AGBL1: variants seen among roughly 807,000 people sequenced by gnomAD.
AGBL1 encodes cytosolic carboxypeptidase 4.
AGBL1 carries 130 observed loss-of-function variants against 118.9 expected under a neutral mutation model. The ratio of observed to expected loss-of-function variants is 1.09; its 90% CI spans 0.95 to 1.26. AGBL1 has a LOEUF of 1.26. Among genes scored for constraint, AGBL1 ranks in the 50% most tolerant of loss-of-function variants. AGBL1 has a pLI of 0.00. For missense variants in AGBL1, 1,584 were observed against 1,298.1 expected (o/e 1.22, Z -3.38); for synonymous variants, 555 against 478.9 (o/e 1.16, Z -2.08).
At chr15:86,317,471 G>A (rs987256679) in intron 17 of AGBL1, among the ~76,000 whole-genome samples, 1 of 152,192 alleles carries the variant, frequency 6.6e-6, no homozygotes, top group Non-Finnish European at 1.5e-5. Flanking sequence ...AGCAACACTT[G>A]CGAGCAATGT....
intron 20 of AGBL1, 75 bp from the exon 21 acceptor site, chr15:86,554,286 T>G: frequency 1.7e-5 from 22 of 1,274,668 alleles, no homozygotes; most frequent in Non-Finnish European, 2.3e-5. Context: ...TTAACAATGT[T>G]GAGAAGCTAT....
At chr15:86,107,855 G>A (rs1555429990) in intron 1 of AGBL1, among the ~76,000 whole-genome samples, 1 of 152,168 alleles carries the variant, frequency 6.6e-6, no homozygotes, top group Non-Finnish European at 1.5e-5. Flanking sequence ...CTCTCAGAGA[G>A]CTTCTCAAAG....
chr15:86,508,790 A>T (rs1489464200), intron 18 of AGBL1, among the ~76,000 whole-genome samples: 1 of 152,174 alleles, frequency 6.6e-6, no homozygotes, highest in East Asian at 1.9e-4. Context: ...AATGATTTAT[A>T]GTCTAAATCT....
intron 20 of AGBL1, among the ~76,000 whole-genome samples, chr15:86,550,870 C>A (rs2083654929): frequency 6.6e-6 from 1 of 151,818 alleles, no homozygotes; most frequent in Middle Eastern, 3.6e-3. Context: ...GGGACTGAAA[C>A]CATGCACAGA....
intron 22 of AGBL1, among the ~76,000 whole-genome samples, chr15:86,688,636 C>T (rs28628446): frequency 0.027 from 4,043 of 152,190 alleles, 191 homozygotes; most frequent in African/African-American, 0.092. Flanking sequence ...TCAAACATTA[C>T]TCAAACTACC....
chr15:86,653,761 T>C (rs2142500649), intron 21 of AGBL1, among the ~76,000 whole-genome samples: 1 of 152,236 alleles, frequency 6.6e-6, no homozygotes, highest in African/African-American at 2.4e-5. Flanking sequence ...TCATGATGGC[T>C]TTCCACTTGG....
intron 22 of AGBL1, among the ~76,000 whole-genome samples, chr15:86,678,346 C>T (rs2085887707): frequency 6.6e-6 from 1 of 151,978 alleles, no homozygotes. Context: ...AAAACTTTTG[C>T]CATTTTTAGG....
intron 21 of AGBL1, among the ~76,000 whole-genome samples, chr15:86,658,583 C>T (rs1455459987): frequency 6.6e-6 from 1 of 152,156 alleles, no homozygotes; most frequent in East Asian, 1.9e-4. Context: ...ATGACTCTTA[C>T]AGCCTCCTGG....
intron 22 of AGBL1, among the ~76,000 whole-genome samples, chr15:86,679,585 C>CT (rs2085914316): frequency 6.6e-6 from 1 of 152,008 alleles, no homozygotes; most frequent in Non-Finnish European, 1.5e-5. Context: ...AGTTTTGAGA[C>CT]TAATGTTTAA....
At chr15:86,147,075 A>C (rs1020446541) in intron 3 of AGBL1, among the ~76,000 whole-genome samples, 5 of 152,160 alleles carry the variant, frequency 3.3e-5, no homozygotes, top group Non-Finnish European at 7.4e-5. Context: ...AATGAGGACT[A>C]TTTGTAACAC....
At chr15:87,026,882 A>C (rs1301369286) in intron 24 of AGBL1, among the ~76,000 whole-genome samples, 4 of 152,110 alleles carry the variant, frequency 2.6e-5, no homozygotes, top group African/African-American at 9.7e-5. Flanking sequence ...GAAGTAACTC[A>C]GGAATGGAAA....
At chr15:86,929,948 A>G (rs906881642) in intron 23 of AGBL1, among the ~76,000 whole-genome samples, 1 of 152,212 alleles carries the variant, frequency 6.6e-6, no homozygotes. Flanking sequence ...ATTCTCATTT[A>G]TAAATGCCCT....
chr15:86,277,806 T>G (rs79262718), intron 15 of AGBL1, among the ~76,000 whole-genome samples: 2,668 of 152,314 alleles, frequency 0.018, 48 homozygotes, highest in East Asian at 0.071. Context: ...AAGGTGCGTG[T>G]TTCCATCTGC....
intron 22 of AGBL1, among the ~76,000 whole-genome samples, chr15:86,869,063 A>C (rs2079681652): frequency 6.6e-6 from 1 of 152,224 alleles, no homozygotes; most frequent in African/African-American, 2.4e-5. Context: ...CTAGCTGTCA[A>C]CTGCCTTGGT....
intron 1 of AGBL1, among the ~76,000 whole-genome samples, chr15:86,102,017 T>C (rs1007530507): frequency 6.6e-6 from 1 of 152,010 alleles, no homozygotes; most frequent in Admixed American, 6.5e-5. Context: ...GCAGTAACAT[T>C]TGAATCCTTT....
In AGBL1 at chr15:86,411,188, AG is replaced by A. The variant is rs1453391135; in HGVS notation, c.2555+13644del. On this transcript the variant is annotated intron_variant, in intron 18 of 22. Coordinates refer to ENST00000614907, the MANE Select transcript of AGBL1 (RefSeq NM_001386094.1). Reference sequence around the variant, plus strand: ...GCCAGCCTATCATCAGCCTCCATCAAGGTATCTCCAAGAGCTTTTCAGGGTG... The same window carrying A: ...GCCAGCCTATCATCAGCCTCCATCAAGTATCTCCAAGAGCTTTTCAGGGTG... Among the ~76,000 whole-genome samples the A allele has an allele frequency of 2.0e-5, 3 of 151,798 alleles. No individual in the cohort carries two copies. In the East Asian group the frequency reaches 5.9e-4, roughly 30 times the overall value.
chr15:86,287,961 G>T (rs954272963), intron 16 of AGBL1, among the ~76,000 whole-genome samples: 7 of 151,112 alleles, frequency 4.6e-5, no homozygotes, highest in Admixed American at 4.6e-4. Flanking sequence ...TGCATCCACA[G>T]AAATATTTTC....
At chr15:86,655,484 GTTAC>G (rs1567106230) in intron 21 of AGBL1, among the ~76,000 whole-genome samples, 1 of 152,026 alleles carries the variant, frequency 6.6e-6, no homozygotes, top group East Asian at 1.9e-4. Flanking sequence ...ATAATTTCCC[GTTAC>G]TTTCTTTTCT....
chr15:86,553,007 AGAGT>A (rs926593464), intron 20 of AGBL1, among the ~76,000 whole-genome samples: 4 of 152,132 alleles, frequency 2.6e-5, no homozygotes, highest in African/African-American at 4.8e-5. Context: ...AGTACCAGAG[AGAGT>A]AAGAGATTTG....
Sources: gnomAD v4.1 joint callset for allele counts (sites outside exome capture counted in the v4.1 genomes callset) on GRCh38, gnomAD v4.1.1 for gene constraint, MANE v1.5 for transcripts, NCBI Gene and HGNC (gene_info 2026-07-23, HGNC 2026-07-21) for gene names.